The following DIAPH3 variants were observed in gnomAD, a reference collection of about 807,000 sequenced individuals.
DIAPH3 encodes the protein protein diaphanous homolog 3.
A neutral mutation model predicts 144.3 loss-of-function variants in DIAPH3; 117 were observed. That is an observed-to-expected ratio of 0.81 (90% CI 0.70 to 0.95). The LOEUF (loss-of-function observed/expected upper bound fraction) is 0.95. Ranked by LOEUF, DIAPH3 falls within the 40% of genes least tolerant of loss-of-function variation. The pLI is 0.00. For missense variants in DIAPH3, 1,421 were observed against 1,412.7 expected (o/e 1.01, Z -0.09); for synonymous variants, 519 against 488.9 (o/e 1.06, Z -0.81).
intron 22 of DIAPH3, among the ~76,000 whole-genome samples, chr13:59,853,949 A>G (rs2043121593): frequency 6.6e-6 from 1 of 152,186 alleles, no homozygotes. Context: ...GTAGTGGGTG[A>G]GTAGTGCCCC....
At chr13:60,126,026 T>C (rs1230117858) in intron 2 of DIAPH3, among the ~76,000 whole-genome samples, 1 of 152,176 alleles carries the variant, frequency 6.6e-6, no homozygotes, top group Non-Finnish European at 1.5e-5. Context: ...GAGACATCCA[T>C]TGAGGTTATT....
chr13:59,785,563 C>A (rs2038992182), intron 25 of DIAPH3, among the ~76,000 whole-genome samples: 1 of 152,168 alleles, frequency 6.6e-6, no homozygotes, highest in African/African-American at 2.4e-5. Context: ...GAGCTTAGCA[C>A]AGTGCCCCCC....
intron 1 of DIAPH3, among the ~76,000 whole-genome samples, chr13:60,159,133 C>T (rs1183611323): frequency 6.6e-6 from 1 of 152,090 alleles, no homozygotes; most frequent in Non-Finnish European, 1.5e-5. Context: ...ACTACGTGTA[C>T]AATCAACAAA....
At chr13:59,671,273 T>C (rs757621833) in intron 27 of DIAPH3, among the ~76,000 whole-genome samples, 4 of 152,198 alleles carry the variant, frequency 2.6e-5, no homozygotes, top group Non-Finnish European at 5.9e-5. Context: ...ATTCTTTTCA[T>C]ATGAAGTTAG....
chr13:59,868,506 G>A (rs1380050901), intron 21 of DIAPH3, among the ~76,000 whole-genome samples: 1 of 152,060 alleles, frequency 6.6e-6, no homozygotes, highest in Non-Finnish European at 1.5e-5. Context: ...AAATTATCCT[G>A]TTGTAAACAT....
At chr13:59,671,497 CT>C (rs938239433) in intron 27 of DIAPH3, among the ~76,000 whole-genome samples, 3 of 151,830 alleles carry the variant, frequency 2.0e-5, no homozygotes, top group African/African-American at 4.8e-5. Context: ...AATCCTAGGC[CT>C]TTTTTTTCTG....
At chr13:59,859,171 C>T (rs2043426880) in intron 22 of DIAPH3, among the ~76,000 whole-genome samples, 1 of 151,982 alleles carries the variant, frequency 6.6e-6, no homozygotes, top group Non-Finnish European at 1.5e-5. Flanking sequence ...TAACAATCAC[C>T]TATACTATAA....
chr13:59,955,372 C>T (rs2049340645), intron 17 of DIAPH3, among the ~76,000 whole-genome samples: 1 of 152,052 alleles, frequency 6.6e-6, no homozygotes, highest in Admixed American at 6.6e-5. Flanking sequence ...GGCAGTTCCC[C>T]TGCACACGGT....
chr13:60,070,560 A>C (rs2057165878), intron 4 of DIAPH3, among the ~76,000 whole-genome samples: 1 of 152,176 alleles, frequency 6.6e-6, no homozygotes. Flanking sequence ...AGGCCAAGGG[A>C]AGAAGGGAGA....
intron 17 of DIAPH3, among the ~76,000 whole-genome samples, chr13:59,932,952 G>A (rs1015602063): frequency 6.6e-6 from 1 of 152,130 alleles, no homozygotes; most frequent in Non-Finnish European, 1.5e-5. Context: ...CAAAAGTTTT[G>A]TTTGTTTTTT....
At chr13:60,005,942 A>G (rs1346892051) in intron 9 of DIAPH3, among the ~76,000 whole-genome samples, 2 of 152,204 alleles carry the variant, frequency 1.3e-5, no homozygotes. Flanking sequence ...AACCTATAAA[A>G]TCCCAAACTT....
At chr13:59,930,213 T>C (rs1392749405) in intron 17 of DIAPH3, among the ~76,000 whole-genome samples, 1 of 152,176 alleles carries the variant, frequency 6.6e-6, no homozygotes, top group Admixed American at 6.5e-5. Flanking sequence ...AAAAAAATTA[T>C]TAAGCAACTA....
intron 4 of DIAPH3, among the ~76,000 whole-genome samples, chr13:60,058,017 A>T (rs1319743246): frequency 1.3e-5 from 2 of 151,848 alleles, no homozygotes; most frequent in African/African-American, 4.8e-5. Flanking sequence ...CCAAAAGCAA[A>T]TGCAACAAAA....
At chr13:60,146,304 G>T (rs1349336964) in intron 1 of DIAPH3, among the ~76,000 whole-genome samples, 5 of 152,142 alleles carry the variant, frequency 3.3e-5, no homozygotes, top group African/African-American at 9.7e-5. Flanking sequence ...TATGGTACCT[G>T]CCCTGAAGAA....
At chr13:60,018,703 C>T (rs1052681982) in intron 5 of DIAPH3, among the ~76,000 whole-genome samples, 6 of 152,092 alleles carry the variant, frequency 3.9e-5, no homozygotes, top group Non-Finnish European at 7.4e-5. Context: ...TCTTTTAAGT[C>T]ACTGTGGGAA....
intron 2 of DIAPH3, among the ~76,000 whole-genome samples, chr13:60,126,979 A>G (rs1481078205): frequency 6.6e-6 from 1 of 152,056 alleles, no homozygotes; most frequent in African/African-American, 2.4e-5. Flanking sequence ...AAAAAATAAT[A>G]AAACAAAAGA....
intron 25 of DIAPH3, among the ~76,000 whole-genome samples, chr13:59,784,720 C>A (rs1452348304): frequency 6.6e-6 from 1 of 152,086 alleles, no homozygotes; most frequent in African/African-American, 2.4e-5. Context: ...GTGAAGATTA[C>A]AATCTGGAAT....
intron 4 of DIAPH3, among the ~76,000 whole-genome samples, chr13:60,063,202 G>A (rs977153434): frequency 5.9e-5 from 9 of 152,134 alleles, no homozygotes; most frequent in African/African-American, 1.2e-4. Context: ...AGTAGTTTCC[G>A]TTTCAATAAA....
At chr13:60,023,359 T>C (rs1327236022) in intron 5 of DIAPH3, among the ~76,000 whole-genome samples, 2 of 152,170 alleles carry the variant, frequency 1.3e-5, no homozygotes, top group Non-Finnish European at 2.9e-5. Context: ...GTCTTGGTAA[T>C]ATATCTTGTT....
Sources: allele counts gnomAD v4.1 joint callset (sites outside exome capture counted in the v4.1 genomes callset), GRCh38; gene constraint gnomAD v4.1.1; transcripts MANE v1.5; gene names NCBI Gene and HGNC (gene_info 2026-07-23, HGNC 2026-07-21).